NTRK2: variants seen among roughly 807,000 people sequenced by gnomAD.
NTRK2 encodes the protein BDNF/NT-3 growth factors receptor.
Under a neutral mutation model 94.5 loss-of-function variants are expected in NTRK2, and 13 were observed. The ratio of observed to expected loss-of-function variants is 0.14; its 90% CI spans 0.09 to 0.22. The LOEUF is 0.22. Among genes scored for constraint, NTRK2 ranks in the 10% least tolerant of loss-of-function variants. NTRK2 has a pLI of 1.00. For missense variants in NTRK2, 639 were observed against 1,071.2 expected (o/e 0.60, Z 5.63); for synonymous variants, 372 against 407.4 (o/e 0.91, Z 1.05).
Position 84,743,775 on chromosome 9 carries a change from G to C in NTRK2, c.1196-1198G>C, listed in dbSNP as rs2063838353. On this transcript the variant is annotated intron_variant, in intron 10 of 18. Coordinates refer to ENST00000277120, the MANE Select transcript of NTRK2 (RefSeq NM_006180.6). ...GATTTAAATTTTGCAGACGTAGTTGGCTATAACATGAAGAGGGAAAACTAA... is the reference window on the plus strand; with the variant it reads ...GATTTAAATTTTGCAGACGTAGTTGCCTATAACATGAAGAGGGAAAACTAA... 2.0e-5 allele frequency among the ~76,000 whole-genome samples: 3 copies of C among 152,148 alleles called. No homozygotes were observed. In the South Asian group the frequency reaches 6.2e-4, roughly 32 times the overall value.
At chr9:84,892,519 A>G (rs1286730433) in intron 14 of NTRK2, among the ~76,000 whole-genome samples, 1 of 152,256 alleles carries the variant, frequency 6.6e-6, no homozygotes, top group Non-Finnish European at 1.5e-5. Flanking sequence ...CCTGGATTCT[A>G]CAATTAAGAT....
intron 12 of NTRK2, among the ~76,000 whole-genome samples, chr9:84,794,110 G>A (rs1899640): frequency 0.66 from 100,764 of 152,126 alleles, 33,518 homozygotes; most frequent in East Asian, 0.72. Flanking sequence ...AGGTGTTGAC[G>A]TGTATATCTG....
chr9:84,892,486 T>C (rs961731914), intron 14 of NTRK2, among the ~76,000 whole-genome samples: 1 of 152,230 alleles, frequency 6.6e-6, no homozygotes. Flanking sequence ...AAAAGAATTA[T>C]TCAGTGGGCA....
intron 14 of NTRK2, among the ~76,000 whole-genome samples, chr9:84,930,120 G>A (rs1256141120): frequency 6.6e-6 from 1 of 152,218 alleles, no homozygotes; most frequent in Non-Finnish European, 1.5e-5. Context: ...TGAGATAGGA[G>A]TTTGTCCAGA....
At chr9:84,870,441 A>C (rs1423963897) in intron 14 of NTRK2, among the ~76,000 whole-genome samples, 1 of 147,208 alleles carries the variant, frequency 6.8e-6, no homozygotes, top group Non-Finnish European at 1.5e-5. Context: ...GGCTCAAGTA[A>C]TCCTCTTGAC....
chr9:84,934,111 T>C (rs1335059531), intron 14 of NTRK2, 51 bp from the exon 15 acceptor site: 2 of 1,610,748 alleles, frequency 1.2e-6, no homozygotes, highest in Non-Finnish European at 1.7e-6. Flanking sequence ...ACCCGCTGCC[T>C]TCACCTCCAC....
intron 14 of NTRK2, chr9:84,875,983 AT>A: frequency 9.6e-7 from 1 of 1,036,650 alleles, no homozygotes; most frequent in Non-Finnish European, 1.2e-6. Context: ...GCAGGGGGGA[AT>A]CCCAGAAAGA....
At chr9:84,694,155 G>T (rs755946555) in intron 2 of NTRK2, among the ~76,000 whole-genome samples, 110 of 152,188 alleles carry the variant, frequency 7.2e-4, no homozygotes, top group Non-Finnish European at 1.4e-3. Context: ...TCAGAGGCAG[G>T]TACATCTGGG....
intron 17 of NTRK2, among the ~76,000 whole-genome samples, chr9:84,964,493 G>C (rs150953417): frequency 6.6e-6 from 1 of 152,154 alleles, no homozygotes; most frequent in African/African-American, 2.4e-5. Flanking sequence ...TCACATGCAC[G>C]CACTGATCAG....
intron 11 of NTRK2, among the ~76,000 whole-genome samples, chr9:84,749,873 C>G (rs1010956859): frequency 1.3e-5 from 2 of 152,164 alleles, no homozygotes; most frequent in African/African-American, 4.8e-5. Context: ...GTATATCAGT[C>G]AGAATAAGCT....
chr9:84,956,890 C>T (rs1384732815), intron 17 of NTRK2, among the ~76,000 whole-genome samples: 1 of 151,284 alleles, frequency 6.6e-6, no homozygotes, highest in African/African-American at 2.4e-5. Flanking sequence ...GCATCATTTA[C>T]ATTTTGTGTG....
At chr9:84,721,215 G>A (rs919592599) in intron 6 of NTRK2, among the ~76,000 whole-genome samples, 1 of 146,966 alleles carries the variant, frequency 6.8e-6, no homozygotes, top group Non-Finnish European at 1.5e-5. Context: ...TTGCACTGTT[G>A]CCCAGGCTGA....
At chr9:84,720,848 G>C (rs1588152641) in intron 6 of NTRK2, among the ~76,000 whole-genome samples, 1 of 152,026 alleles carries the variant, frequency 6.6e-6, no homozygotes, top group Middle Eastern at 3.4e-3. Flanking sequence ...AATTGACAGA[G>C]GAATGAACAA....
intron 9 of NTRK2, among the ~76,000 whole-genome samples, chr9:84,729,571 G>C (rs777903161): frequency 6.6e-6 from 1 of 152,208 alleles, no homozygotes; most frequent in African/African-American, 2.4e-5. Flanking sequence ...CTGTAGAAAA[G>C]TTGCAAAGAT....
intron 12 of NTRK2, chr9:84,810,750 T>C: frequency 6.7e-7 from 1 of 1,483,694 alleles, no homozygotes; most frequent in South Asian, 1.4e-5. Context: ...GAAGCCTGCA[T>C]ATACTGTGAG....
chr9:84,763,772 A>G (rs1025915278), intron 12 of NTRK2, among the ~76,000 whole-genome samples: 5 of 152,178 alleles, frequency 3.3e-5, no homozygotes, highest in Non-Finnish European at 7.3e-5. Flanking sequence ...TGATTTAAAA[A>G]TGCCTTTTAT....
chr9:84,732,517 T>G (rs1162365507), intron 9 of NTRK2, among the ~76,000 whole-genome samples: 1 of 152,186 alleles, frequency 6.6e-6, no homozygotes, highest in Non-Finnish European at 1.5e-5. Context: ...ATTTTTCTGC[T>G]TTTGATTGAG....
intron 13 of NTRK2, among the ~76,000 whole-genome samples, chr9:84,862,995 G>A (rs2075403412): frequency 6.6e-6 from 1 of 152,126 alleles, no homozygotes; most frequent in African/African-American, 2.4e-5. Context: ...TGGTTGGTTT[G>A]CATTTGAAAG....
chr9:84,988,603 T>C (rs1409633927), intron 17 of NTRK2, among the ~76,000 whole-genome samples: 1 of 152,202 alleles, frequency 6.6e-6, no homozygotes, highest in Non-Finnish European at 1.5e-5. Context: ...GGAAATCAGC[T>C]CTACAGCTGT....
Sources: allele counts gnomAD v4.1 joint callset (sites outside exome capture counted in the v4.1 genomes callset), GRCh38; gene constraint gnomAD v4.1.1; transcripts MANE v1.5; gene names NCBI Gene and HGNC (gene_info 2026-07-23, HGNC 2026-07-21).